Variants in IL36RN observed in about 807,000 individuals in gnomAD.
IL36RN encodes the protein interleukin-36 receptor antagonist protein.
A neutral mutation model predicts 13.0 loss-of-function variants in IL36RN; 11 were observed. The observed-to-expected ratio is 0.85, with a 90% CI of 0.53 to 1.40. The LOEUF is 1.40. Ranked by LOEUF, IL36RN falls within the 40% of genes most tolerant of loss-of-function variation. The pLI is 0.00. For synonymous variants in IL36RN, 94 were observed against 84.1 expected (o/e 1.12, Z -0.64); for missense variants, 195 against 195.3 (o/e 1.00, Z 0.01).
rs1234074316 is a variant in IL36RN, at chr2:113,064,259, C to T, written c.*1582C>T. 2.6e-5 allele frequency: 4 copies of T among 152,132 alleles called. No homozygotes were observed. The highest frequency in any genetic ancestry group is 4.4e-5 in the Non-Finnish European group (3 of 68,024). The allele number at this position is 152,132 out of a possible 1,614,324, so 9.4% of individuals were successfully genotyped here. A position where few individuals can be genotyped will look rare whatever the true frequency, so the allele number is the denominator to read the frequency against. On this transcript the variant is annotated 3_prime_UTR_variant, in exon 5 of 5. Coordinates refer to ENST00000393200, the MANE Select transcript of IL36RN (RefSeq NM_012275.3). Reference sequence around the variant, plus strand: ...AATCTCAGACTTCCAGCCTCCTGAACGAAGAAAGAATAAATTTCGGCTGTT... The same window carrying T: ...AATCTCAGACTTCCAGCCTCCTGAATGAAGAAAGAATAAATTTCGGCTGTT...
Position 113,062,129 on chromosome 2 carries a change from G to C in IL36RN, c.121G>C (p.Glu41Gln), listed in dbSNP as rs771984756. The change falls in exon 4 of 5, where the codon GAG (glutamate) becomes CAG (glutamine). Residue 41 changes from glutamate (E) to glutamine (Q), a missense_variant. Glu to Gln is a conservative substitution (Grantham distance 29). Transcript: ENST00000393200. ...ATCTGGCCTCTTTCCCACAGGTGAA[G>C]AGATCAGCGTGGTCCCCAATCGGTG... ...LHAGKVIKGE[E>Q]ISVVPNRWLD... 4 of 1,613,932 alleles carry C rather than the reference G, an allele frequency of 2.5e-6. No homozygotes were observed. Among genetic ancestry groups the C allele is most frequent in the East Asian group, 4.5e-5 (2 of 44,874 alleles).
upstream of IL36RN, chr2:113,059,069 C>A (rs1013842122): frequency 3.0e-6 from 1 of 330,924 alleles, no homozygotes; most frequent in African/African-American, 2.1e-5. Context: ...AGATAATGAG[C>A]AGCAAGTGCT....
At position 113,062,961 on chromosome 2, in the gene IL36RN, T is replaced by G; in HGVS notation, c.*284T>G. On this transcript the variant is annotated 3_prime_UTR_variant, in exon 5 of 5. Coordinates refer to ENST00000393200, the MANE Select transcript of IL36RN (RefSeq NM_012275.3). Reference sequence around the variant, plus strand: ...TGAAAAGATTTCTGTGGAGGTGGGGTGGGGGAGTGGTGGGAATCATTCCTG... The same window carrying G: ...TGAAAAGATTTCTGTGGAGGTGGGGGGGGGGAGTGGTGGGAATCATTCCTG... The G allele has an allele frequency of 2.3e-6, 1 of 436,904 alleles. No homozygotes were observed. The highest frequency in any genetic ancestry group is 2.0e-5 in the South Asian group (1 of 48,824). 27.1% of individuals were successfully genotyped at this position (436,904 alleles called of 1,614,324 possible). A position where few individuals can be genotyped will look rare whatever the true frequency, so the allele number is the denominator to read the frequency against.
rs1685675495 is a variant in IL36RN, at chr2:113,063,041, G to T, written c.*364G>T. 2.7e-6 allele frequency: 1 copy of T among 365,674 alleles called. No homozygotes were observed. Among genetic ancestry groups the T allele is most frequent in the Non-Finnish European group, 5.3e-6 (1 of 187,774 alleles). The allele number at this position is 365,674 out of a possible 1,614,324, so 22.7% of individuals were successfully genotyped here. A position where few individuals can be genotyped will look rare whatever the true frequency, so the allele number is the denominator to read the frequency against. On this transcript the variant is annotated 3_prime_UTR_variant, in exon 5 of 5. Coordinates refer to ENST00000393200, the MANE Select transcript of IL36RN (RefSeq NM_012275.3). ...AGCCCCGCAGGCCAACCCATCCCCAGTTGAGCCTTATAGGGTCAGTAGCTC... is the reference window on the plus strand; with the variant it reads ...AGCCCCGCAGGCCAACCCATCCCCATTTGAGCCTTATAGGGTCAGTAGCTC...
At chr2:113,061,778 T>C (rs957988272) in intron 3 of IL36RN, among the ~76,000 whole-genome samples, 2 of 152,084 alleles carry the variant, frequency 1.3e-5, no homozygotes, top group Non-Finnish European at 2.9e-5. Flanking sequence ...TAGAAAGTTG[T>C]CCAAACAATT....
Position 113,063,289 on chromosome 2 carries a change from T to C in IL36RN, c.*612T>C, listed in dbSNP as rs1179254746. On this transcript the variant is annotated 3_prime_UTR_variant, in exon 5 of 5. Transcript: ENST00000393200. Reference sequence around the variant, plus strand: ...CAGAAGATAAAAGATAAGTAGGGTATGCTGATCCTCTTTTAAAAACCCAAG... The same window carrying C: ...CAGAAGATAAAAGATAAGTAGGGTACGCTGATCCTCTTTTAAAAACCCAAG... 1.2e-5 allele frequency: 2 copies of C among 162,386 alleles called. No individual in the cohort carries two copies. The highest frequency in any genetic ancestry group is 2.7e-5 in the Non-Finnish European group (2 of 73,038). 10.1% of individuals were successfully genotyped at this position (162,386 alleles called of 1,614,324 possible). A position where few individuals can be genotyped will look rare whatever the true frequency, so the allele number is the denominator to read the frequency against.
At chr2:113,059,526 A>G (rs1573385495) in intron 2 of IL36RN, 59 bp downstream of exon 2, 1 of 1,592,058 alleles carries the variant, frequency 6.3e-7, no homozygotes, top group East Asian at 2.2e-5. Flanking sequence ...TTCTGGATAG[A>G]CCCGTTGTCC....
intron 2 of IL36RN, 31 bp from the exon 3 acceptor site, chr2:113,060,821 A>T: frequency 6.5e-7 from 1 of 1,534,780 alleles, no homozygotes; most frequent in Non-Finnish European, 9.0e-7. Flanking sequence ...CCTCCTCCTA[A>T]TGTAGTCCTC....
At position 113,062,704 on chromosome 2, in the gene IL36RN, G is replaced by A; in HGVS notation, c.*27G>A. On this transcript the variant is annotated 3_prime_UTR_variant, in exon 5 of 5. Coordinates refer to ENST00000393200, the MANE Select transcript of IL36RN (RefSeq NM_012275.3). Reference sequence around the variant, plus strand: ...GCAACGTGCCCCCCAGAACTCCCTGGGCAGAGCCAGCTCGGGTGAGGGGTG... The same window carrying A: ...GCAACGTGCCCCCCAGAACTCCCTGAGCAGAGCCAGCTCGGGTGAGGGGTG... 1 of 1,594,756 alleles carries A rather than the reference G, an allele frequency of 6.3e-7. No homozygotes were observed. The highest frequency in any genetic ancestry group is 8.5e-7 in the Non-Finnish European group (1 of 1,171,020).
At position 113,060,891 on chromosome 2, in the gene IL36RN, T is replaced by A; in HGVS notation, c.69T>A (p.Asn23Lys). Residue 23 changes from asparagine (N) to lysine (K), a missense_variant, in exon 3 of 5, where the codon AAT becomes AAA. Asn to Lys is a moderately conservative substitution (Grantham distance 94). Transcript: ENST00000393200. ...DSALKVLYLHNNQLLAGGLHA... is the reference protein window; with the variant it reads ...DSALKVLYLHKNQLLAGGLHA... The stretch of plus-strand genomic sequence containing the variant: ...CATTGAAGGTGCTTTATCTGCATAA[T>A]AACCAGCTTCTAGCTGGAGGGCTGC... 6.2e-7 allele frequency: 1 copy of A among 1,614,204 alleles called. No homozygotes were observed. Among genetic ancestry groups the A allele is most frequent in the Non-Finnish European group, 8.5e-7 (1 of 1,180,018 alleles).
chr2:113,061,805 C>T (rs6733859), intron 3 of IL36RN, among the ~76,000 whole-genome samples: 104,841 of 151,856 alleles, frequency 0.69, 37,021 homozygotes, highest in East Asian at 0.93. Flanking sequence ...GGGGGCTTAT[C>T]AAGACAGGGT....
chr2:113,059,116 A>C, upstream of IL36RN: 3 of 426,234 alleles, frequency 7.0e-6, no homozygotes, highest in East Asian at 4.4e-5. Context: ...CACGCTGGGA[A>C]TCCTGCTCCT....
At chr2:113,060,792 G>A in intron 2 of IL36RN, 60 bp from the exon 3 acceptor site, 1 of 1,198,892 alleles carries the variant, frequency 8.3e-7, no homozygotes, top group Middle Eastern at 2.3e-4. Context: ...CTGGATCCAG[G>A]GCATGCTGGA....
rs1173116358 is a variant in IL36RN, at chr2:113,062,877, G to A, written c.*200G>A. 7.8e-6 allele frequency: 5 copies of A among 638,166 alleles called. No individual in the cohort carries two copies. Among genetic ancestry groups the A allele is most frequent in the Non-Finnish European group, 2.8e-6 (1 of 352,920 alleles). 39.5% of individuals were successfully genotyped at this position (638,166 alleles called of 1,614,324 possible). Reference sequence around the variant, plus strand: ...GCTCAGTCCACGGTCCTCCCCCACTGGATGGTGCTACTGCTGTGGAATCTT... The same window carrying A: ...GCTCAGTCCACGGTCCTCCCCCACTAGATGGTGCTACTGCTGTGGAATCTT... On this transcript the variant is annotated 3_prime_UTR_variant, in exon 5 of 5. Transcript: ENST00000393200.
rs1287934388 is a variant in IL36RN, at chr2:113,062,903, G to T, written c.*226G>T. The T allele has an allele frequency of 1.6e-5, 9 of 569,528 alleles. No homozygotes were observed. Among genetic ancestry groups the T allele is most frequent in the East Asian group, 3.0e-5 (1 of 32,816 alleles). The allele number at this position is 569,528 out of a possible 1,614,324, so 35.3% of individuals were successfully genotyped here. On this transcript the variant is annotated 3_prime_UTR_variant, in exon 5 of 5. Coordinates refer to ENST00000393200, the MANE Select transcript of IL36RN (RefSeq NM_012275.3). The stretch of plus-strand genomic sequence containing the variant: ...GATGGTGCTACTGCTGTGGAATCTT[G>T]TAAAAACCATGTGGGGTAAACTGGG...
chr2:113,062,075 G>A (rs1172995946), intron 3 of IL36RN, 49 bp from the exon 4 acceptor site: 1 of 1,603,620 alleles, frequency 6.2e-7, no homozygotes, highest in Non-Finnish European at 8.5e-7. Flanking sequence ...GACAGGGGAA[G>A]AAGGAGGGAA....
upstream of IL36RN, chr2:113,059,133 G>C: frequency 2.1e-6 from 1 of 473,716 alleles, no homozygotes; most frequent in Non-Finnish European, 3.9e-6. Flanking sequence ...TCCTCCTCAG[G>C]TCCTGGCAGT....
rs549588385 is a variant in IL36RN at position 113,062,176 on chromosome 2, C to T, written c.168C>T (p.Pro56=). The change falls in exon 4 of 5, where the codon CCC becomes CCT. Residue 56 remains proline, a synonymous_variant. Coordinates refer to ENST00000393200, the MANE Select transcript of IL36RN (RefSeq NM_012275.3). ...PNRWLDASLS[P]VILGVQGGSQ... ...GGTGGCTGGATGCCAGCCTGTCCCC[C>T]GTCATCCTGGGTGTCCAGGGTGGAA... 18 of 1,614,084 alleles carry T rather than the reference C, an allele frequency of 1.1e-5. No individual in the cohort carries two copies. In the East Asian group the frequency reaches 1.3e-4, roughly 12 times the overall value.
rs1014128439 is a variant in IL36RN at position 113,059,492 on chromosome 2, G to A, written c.29+25G>A. The A allele has an allele frequency of 1.9e-6, 3 of 1,613,500 alleles. No individual in the cohort carries two copies. The African/African-American group carries it at 4.0e-5, about 22-fold the overall frequency. On this transcript the variant is annotated intron_variant, in intron 2 of 4. Transcript: ENST00000393200. ...GGTGAGTGTATGAGGCCCTGGTTTG[G>A]TGGTGTCCTCCGGAGGAAGTGAGTT...
Sources: gnomAD v4.1 joint callset for allele counts (sites outside exome capture counted in the v4.1 genomes callset) on GRCh38, gnomAD v4.1.1 for gene constraint, MANE v1.5 for transcripts, NCBI Gene and HGNC (gene_info 2026-07-23, HGNC 2026-07-21) for gene names.